DENND1A: variants seen among roughly 807,000 people sequenced by gnomAD.
DENND1A encodes DENN domain-containing protein 1A.
In DENND1A, 51 loss-of-function variants were observed where a neutral mutation model predicts 113.7. The observed-to-expected ratio is 0.45, with a 90% CI of 0.36 to 0.57. The LOEUF is 0.57. DENND1A is among the 20% of genes least tolerant of loss of function. The pLI, the probability that DENND1A is intolerant of heterozygous loss-of-function variation, is 0.00. For synonymous variants in DENND1A, 565 were observed against 570.8 expected (o/e 0.99, Z 0.14); for missense variants, 1,258 against 1,395.9 (o/e 0.90, Z 1.57).
intron 11 of DENND1A, among the ~76,000 whole-genome samples, chr9:123,607,706 C>G (rs1429814491): frequency 6.6e-6 from 1 of 150,614 alleles, no homozygotes; most frequent in Non-Finnish European, 1.5e-5. Context: ...AGAACCCCAG[C>G]TGAGTCATTG....
At chr9:123,861,802 C>CT (rs1245829187) in intron 2 of DENND1A, among the ~76,000 whole-genome samples, 1 of 152,092 alleles carries the variant, frequency 6.6e-6, no homozygotes. Context: ...GGGAGTGAGA[C>CT]TTTTTCTACT....
chr9:123,843,200 T>G, intron 2 of DENND1A: 3 of 548,132 alleles, frequency 5.5e-6, no homozygotes, highest in South Asian at 4.2e-5. Flanking sequence ...CTGCTGTCAA[T>G]CTAGTATTAT....
chr9:123,724,851 T>TAA (rs918865017), intron 5 of DENND1A, among the ~76,000 whole-genome samples: 2 of 152,216 alleles, frequency 1.3e-5, no homozygotes, highest in Non-Finnish European at 2.9e-5. Context: ...TGATAGCTGA[T>TAA]AAAAAAATTT....
At chr9:123,497,757 T>C (rs1460271565) in intron 13 of DENND1A, among the ~76,000 whole-genome samples, 1 of 147,138 alleles carries the variant, frequency 6.8e-6, no homozygotes. Flanking sequence ...TGTTTCACCA[T>C]ATAGAAATAC....
intron 11 of DENND1A, among the ~76,000 whole-genome samples, chr9:123,599,970 G>A (rs368824216): frequency 2.0e-5 from 3 of 152,052 alleles, no homozygotes; most frequent in Admixed American, 6.5e-5. Flanking sequence ...AACCACATGC[G>A]CCCAGATTTC....
intron 14 of DENND1A, 122 bp downstream of exon 14, chr9:123,457,671 G>A: frequency 1.1e-6 from 1 of 950,114 alleles, no homozygotes; most frequent in Non-Finnish European, 1.6e-6. Context: ...CCCCTCCCCT[G>A]AGCCTCTTTT....
rs1156548465 is a variant in DENND1A at position 123,440,387 on chromosome 9, C to T, written c.1461G>A (p.Arg487=). The change falls in exon 19 of 24, where the codon CGG becomes CGA. Residue 487 remains arginine (R), a synonymous_variant. Transcript: ENST00000394215. The stretch of plus-strand genomic sequence containing the variant: ...GTCCAAAGTGGACTGTGATTGGCCG[C>T]CGGTCTTCTCGGAGCTTGGGGTCCT... ...EAKDPKLRED[R]RPITVHFGQL... The T allele has an allele frequency of 6.2e-7, 1 of 1,601,286 alleles. No homozygotes were observed. Among genetic ancestry groups the T allele is most frequent in the Non-Finnish European group, 8.5e-7 (1 of 1,175,032 alleles).
At chr9:123,411,159 T>C (rs535424167) in intron 20 of DENND1A, 2 of 151,824 alleles carry the variant, frequency 1.3e-5, no homozygotes, top group South Asian at 4.2e-4. Context: ...AGTGGTGCAA[T>C]CATAGCTCAC....
At chr9:123,580,782 G>A (rs2058850709) in intron 12 of DENND1A, among the ~76,000 whole-genome samples, 1 of 152,218 alleles carries the variant, frequency 6.6e-6, no homozygotes. Flanking sequence ...ACCCTGTCCT[G>A]ACATGATTCT....
intron 12 of DENND1A, among the ~76,000 whole-genome samples, chr9:123,570,504 G>A (rs1442066593): frequency 1.3e-5 from 2 of 152,194 alleles, no homozygotes; most frequent in African/African-American, 2.4e-5. Flanking sequence ...TTTATAGCCT[G>A]GAGGATGGAT....
intron 2 of DENND1A, among the ~76,000 whole-genome samples, chr9:123,858,072 A>G (rs796617050): frequency 2.4e-4 from 37 of 152,012 alleles, no homozygotes; most frequent in African/African-American, 6.0e-4. Flanking sequence ...AAAAAAAAAA[A>G]AAAAGAAAAG....
chr9:123,881,888 T>A (rs1279637911), intron 1 of DENND1A, among the ~76,000 whole-genome samples: 1 of 152,338 alleles, frequency 6.6e-6, no homozygotes, highest in African/African-American at 2.4e-5. Context: ...ATTTAAATGC[T>A]CAATTCTCAG....
At chr9:123,606,358 C>T (rs574218107) in intron 11 of DENND1A, among the ~76,000 whole-genome samples, 5 of 151,974 alleles carry the variant, frequency 3.3e-5, no homozygotes, top group Non-Finnish European at 5.9e-5. Flanking sequence ...CAGCAAACTC[C>T]TCCCCAGCCT....
chr9:123,929,898 G>T lies in DENND1A; in HGVS notation c.8C>A (p.Ser3Tyr). The change falls in exon 1 of 24, where the codon TCC becomes TAC. Residue 3 changes from serine to tyrosine, a missense_variant. Transcript: ENST00000394215. MG[S>Y]RIKQNPETTF... ...GCCCGGCCGCACTCACTTGATCCTG[G>T]AGCCCATGGTCCCCAGGCCTCCTCA... 2.9e-6 allele frequency: 1 copy of T among 343,012 alleles called. No individual in the cohort carries two copies. Among genetic ancestry groups the T allele is most frequent in the South Asian group, 4.0e-5 (1 of 25,118 alleles). 21.2% of individuals were successfully genotyped at this position (343,012 alleles called of 1,614,324 possible).
chr9:123,504,217 C>T, intron 13 of DENND1A, among the ~76,000 whole-genome samples: 1 of 152,192 alleles, frequency 6.6e-6, no homozygotes, highest in East Asian at 1.9e-4. Flanking sequence ...TGAAACTGCA[C>T]TCGCCCTTCG....
chr9:123,632,130 G>C (rs1397901052), intron 9 of DENND1A, among the ~76,000 whole-genome samples: 1 of 152,092 alleles, frequency 6.6e-6, no homozygotes, highest in African/African-American at 2.4e-5. Context: ...CTTTAAATTG[G>C]ATATTCTGCT....
chr9:123,461,668 G>A (rs748335586), intron 13 of DENND1A, among the ~76,000 whole-genome samples: 1 of 152,216 alleles, frequency 6.6e-6, no homozygotes, highest in African/African-American at 2.4e-5. Context: ...GAATTTAGCT[G>A]CAGGAGAGCA....
intron 5 of DENND1A, among the ~76,000 whole-genome samples, chr9:123,698,383 A>C (rs1272061117): frequency 6.6e-6 from 1 of 152,244 alleles, no homozygotes. Flanking sequence ...CTTCAAGGCT[A>C]TACCACAAGT....
chr9:123,441,634 G>A (rs185471333), intron 18 of DENND1A, among the ~76,000 whole-genome samples: 6 of 152,300 alleles, frequency 3.9e-5, no homozygotes, highest in Middle Eastern at 3.4e-3. Context: ...GGCCACTCAT[G>A]CAATAAGGGT....
Sources: gnomAD v4.1 joint callset for allele counts (sites outside exome capture counted in the v4.1 genomes callset) on GRCh38, gnomAD v4.1.1 for gene constraint, MANE v1.5 for transcripts, NCBI Gene and HGNC (gene_info 2026-07-23, HGNC 2026-07-21) for gene names.